NXPH1: variants seen among roughly 807,000 people sequenced by gnomAD.
NXPH1 encodes neurexophilin-1.
Under a neutral mutation model 23.7 loss-of-function variants are expected in NXPH1, and 5 were observed. The observed-to-expected ratio is 0.21, with a 90% confidence interval of 0.11 to 0.44. The LOEUF is 0.44. Among genes scored for constraint, NXPH1 ranks in the 20% least tolerant of loss-of-function variants. The pLI, the probability that NXPH1 is intolerant of heterozygous loss-of-function variation, is 0.99. For missense variants in NXPH1, 324 were observed against 321.6 expected (o/e 1.01, Z -0.06); for synonymous variants, 144 against 122.2 (o/e 1.18, Z -1.18).
intron 2 of NXPH1, among the ~76,000 whole-genome samples, chr7:8,728,323 T>C (rs59335389): frequency 0.25 from 37,714 of 151,742 alleles, 4,829 homozygotes; most frequent in African/African-American, 0.31. Context: ...AATTGAATAC[T>C]CTTTATTTCC....
chr7:8,621,980 C>G (rs12537234), intron 2 of NXPH1, among the ~76,000 whole-genome samples: 3,620 of 152,232 alleles, frequency 0.024, 219 homozygotes, highest in East Asian at 0.17. Flanking sequence ...AGAGCAGTCA[C>G]TTTGCACATG....
intron 2 of NXPH1, among the ~76,000 whole-genome samples, chr7:8,527,833 T>C (rs1349306549): frequency 6.6e-6 from 1 of 152,238 alleles, no homozygotes; most frequent in Non-Finnish European, 1.5e-5. Context: ...CACAACTTGA[T>C]ACACTTTTTA....
chr7:8,636,681 T>C (rs573400147), intron 2 of NXPH1, among the ~76,000 whole-genome samples: 1 of 152,302 alleles, frequency 6.6e-6, no homozygotes, highest in African/African-American at 2.4e-5. Context: ...GATTTTGCCA[T>C]GGGCATGGGA....
rs116814722 is a variant in NXPH1, at chr7:8,703,347, C to T, written c.55-47661C>T. Among the ~76,000 whole-genome samples the T allele has an allele frequency of 8.6e-3, 1,308 of 152,204 alleles. 18 individuals are homozygous for T. The highest frequency in any genetic ancestry group is 0.03 in the African/African-American group (1,260 of 41,524). Reference sequence around the variant, plus strand: ...AGTGTTCCATTCATGCTTTCTCAGTCCCCTAATTTAATACCTGTGAAATCA... The same window carrying T: ...AGTGTTCCATTCATGCTTTCTCAGTTCCCTAATTTAATACCTGTGAAATCA... On this transcript the variant is annotated intron_variant, in intron 2 of 2. Transcript: ENST00000405863.
intron 2 of NXPH1, among the ~76,000 whole-genome samples, chr7:8,452,129 TG>T (rs1291724837): frequency 6.6e-6 from 1 of 152,204 alleles, no homozygotes; most frequent in East Asian, 1.9e-4. Context: ...AATGGAACTT[TG>T]TCAGTGATTC....
chr7:8,561,746 A>G (rs183564156), intron 2 of NXPH1, among the ~76,000 whole-genome samples: 159 of 151,752 alleles, frequency 1.0e-3, no homozygotes, highest in African/African-American at 3.5e-3. Context: ...ACAGGAAGAA[A>G]AGAGAAAAAA....
At chr7:8,520,153 T>A (rs1357346552) in intron 2 of NXPH1, among the ~76,000 whole-genome samples, 1 of 152,188 alleles carries the variant, frequency 6.6e-6, no homozygotes, top group Non-Finnish European at 1.5e-5. Flanking sequence ...GAATCTGGAA[T>A]AATCTTCCAA....
intron 2 of NXPH1, among the ~76,000 whole-genome samples, chr7:8,723,325 C>T (rs1408795299): frequency 6.6e-6 from 1 of 152,124 alleles, no homozygotes; most frequent in Non-Finnish European, 1.5e-5. Flanking sequence ...TTCATTACCA[C>T]ATTAGGATCA....
intron 2 of NXPH1, among the ~76,000 whole-genome samples, chr7:8,711,912 C>G (rs1264567738): frequency 2.0e-5 from 3 of 152,128 alleles, no homozygotes; most frequent in African/African-American, 7.2e-5. Context: ...CAGGAAAGGG[C>G]CAGGGTCAGG....
chr7:8,466,559 C>T (rs888902407), intron 2 of NXPH1, among the ~76,000 whole-genome samples: 11 of 152,090 alleles, frequency 7.2e-5, no homozygotes, highest in African/African-American at 2.7e-4. Flanking sequence ...TTTTCTTTAG[C>T]CTCACACCTA....
intron 2 of NXPH1, among the ~76,000 whole-genome samples, chr7:8,532,383 C>T (rs901489170): frequency 1.1e-4 from 17 of 148,852 alleles, no homozygotes; most frequent in Admixed American, 3.4e-4. Flanking sequence ...GCATTTGCTG[C>T]AGCCTGCCCC....
intron 2 of NXPH1, among the ~76,000 whole-genome samples, chr7:8,525,237 G>A (rs1191708059): frequency 2.0e-5 from 3 of 152,186 alleles, no homozygotes; most frequent in African/African-American, 7.2e-5. Flanking sequence ...TTTTGCCCAT[G>A]CCCTAGAGAT....
intron 2 of NXPH1, among the ~76,000 whole-genome samples, chr7:8,612,251 T>G (rs1354040554): frequency 6.6e-6 from 1 of 151,524 alleles, no homozygotes; most frequent in African/African-American, 2.4e-5. Flanking sequence ...CTTCCTTTCT[T>G]CCTACCTTCC....
At chr7:8,490,197 T>C (rs1817226314) in intron 2 of NXPH1, among the ~76,000 whole-genome samples, 1 of 152,080 alleles carries the variant, frequency 6.6e-6, no homozygotes, top group South Asian at 2.1e-4. Context: ...AATAATTTCA[T>C]GAATGCTACT....
At chr7:8,681,899 T>G (rs915134989) in intron 2 of NXPH1, among the ~76,000 whole-genome samples, 1 of 152,186 alleles carries the variant, frequency 6.6e-6, no homozygotes, top group African/African-American at 2.4e-5. Context: ...CGTCATTTAC[T>G]GCAGTGAAAC....
At chr7:8,635,267 A>G (rs1349006918) in intron 2 of NXPH1, among the ~76,000 whole-genome samples, 2 of 152,208 alleles carry the variant, frequency 1.3e-5, no homozygotes, top group African/African-American at 4.8e-5. Flanking sequence ...TGAAGGCACA[A>G]TTCTTTAAGA....
chr7:8,744,333 G>T (rs771965366), intron 2 of NXPH1, among the ~76,000 whole-genome samples: 1 of 152,082 alleles, frequency 6.6e-6, no homozygotes, highest in Non-Finnish European at 1.5e-5. Flanking sequence ...TTATCCTCAG[G>T]AAGTATATTT....
intron 2 of NXPH1, among the ~76,000 whole-genome samples, chr7:8,559,881 T>C (rs1435575437): frequency 6.6e-6 from 1 of 151,742 alleles, no homozygotes; most frequent in Non-Finnish European, 1.5e-5. Flanking sequence ...CTGCCAAATC[T>C]GATCCATTTG....
intron 2 of NXPH1, among the ~76,000 whole-genome samples, chr7:8,744,307 CT>C (rs2115230198): frequency 6.6e-6 from 1 of 152,058 alleles, no homozygotes; most frequent in East Asian, 1.9e-4. Context: ...GCATTGGCCA[CT>C]TTTGACATGG....
Sources: gnomAD v4.1 joint callset for allele counts (sites outside exome capture counted in the v4.1 genomes callset) on GRCh38, gnomAD v4.1.1 for gene constraint, MANE v1.5 for transcripts, NCBI Gene and HGNC (gene_info 2026-07-23, HGNC 2026-07-21) for gene names.